CCDC171: variants seen among roughly 807,000 people sequenced by gnomAD.
CCDC171 encodes coiled-coil domain containing 171.
A neutral mutation model predicts 168.2 loss-of-function variants in CCDC171; 177 were observed. The ratio of observed to expected loss-of-function variants is 1.05; its 90% CI spans 0.93 to 1.19. The LOEUF (loss-of-function observed/expected upper bound fraction) is 1.19. Ranked by LOEUF, CCDC171 falls within the 50% of genes most tolerant of loss-of-function variation. The probability of loss-of-function intolerance (pLI) is 0.00; values close to 1 mark genes in which losing one functional copy is unlikely to be tolerated. For missense variants in CCDC171, 1,991 were observed against 1,539.0 expected (o/e 1.29, Z -4.91); for synonymous variants, 687 against 540.8 (o/e 1.27, Z -3.75).
At chr9:15,571,540 A>T in intron 2 of CCDC171, 84 bp from the exon 3 acceptor site, 2 of 1,192,302 alleles carry the variant, frequency 1.7e-6, no homozygotes, top group South Asian at 1.7e-5. Context: ...GTTTTTTGAA[A>T]AATAAGTTAT....
At position 15,777,754 on chromosome 9, in the gene CCDC171, G is replaced by A. The variant is rs1349242703; in HGVS notation, c.2826G>A (p.Arg942=). 2 of 1,613,904 alleles carry A rather than the reference G, an allele frequency of 1.2e-6. No individual in the cohort carries two copies. Among genetic ancestry groups the A allele is most frequent in the Admixed American group, 1.7e-5 (1 of 59,966 alleles). The change falls in exon 19 of 26, where the codon AGG becomes AGA. Residue 942 remains arginine, a synonymous_variant. Coordinates refer to ENST00000380701, the MANE Select transcript of CCDC171 (RefSeq NM_173550.4). ...TYVEKDSLVQ[R]LAHGLHKVNT... ...TAGAAAAAGATTCCCTGGTTCAGAG[G>A]CTGGCCCATGGACTTCATAAAGTAA... is the stretch of plus-strand genomic sequence containing the variant.
rs772592257 is a variant in CCDC171 at position 15,657,109 on chromosome 9, C to G, written c.823-18C>G. 6.8e-7 allele frequency: 1 copy of G among 1,468,222 alleles called. No homozygotes were observed. The highest frequency in any genetic ancestry group is 1.2e-5 in the South Asian group (1 of 83,086). The allele number at this position is 1,468,222 out of a possible 1,614,324, so 90.9% of individuals were successfully genotyped here. ...AAATACCAATGTTTATGAATTTAAA[C>G]TTTTAATTTGTTTTCAGGCAACTAC... On this transcript the variant is annotated intron_variant, in intron 7 of 25. Transcript: ENST00000380701.
chr9:15,887,900 T>G (rs1819646885), intron 24 of CCDC171: 1 of 152,170 alleles, frequency 6.6e-6, no homozygotes, highest in South Asian at 2.1e-4. Flanking sequence ...TTCTATATCC[T>G]CCTCCTCTGT....
intron 6 of CCDC171, among the ~76,000 whole-genome samples, chr9:15,606,118 G>GA (rs1006072110): frequency 3.3e-5 from 5 of 152,148 alleles, no homozygotes; most frequent in Non-Finnish European, 5.9e-5. Context: ...AAAGTAATGT[G>GA]AATGTGGTCT....
intron 4 of CCDC171, among the ~76,000 whole-genome samples, chr9:15,581,290 C>T (rs1464847833): frequency 6.6e-6 from 1 of 152,080 alleles, no homozygotes; most frequent in African/African-American, 2.4e-5. Flanking sequence ...AGGACACAAA[C>T]AAATGGAAAA....
At chr9:15,778,643 C>CAAAAAAAAAAAAAAAAA (rs527592822) in intron 19 of CCDC171, among the ~76,000 whole-genome samples, 13 of 58,792 alleles carry the variant, frequency 2.2e-4, no homozygotes, top group African/African-American at 8.7e-4. Flanking sequence ...AAGACTGTCT[C>CAAAAAAAAAAAAAAAAA]AAAAAAAAAA....
At chr9:15,883,097 T>C in intron 24 of CCDC171, 1 of 403,938 alleles carries the variant, frequency 2.5e-6, no homozygotes, top group Non-Finnish European at 4.9e-6. Context: ...GGTGTGATCA[T>C]AGCTCACTGC....
At chr9:15,578,441 T>G (rs961132035) in intron 3 of CCDC171, among the ~76,000 whole-genome samples, 15 of 145,892 alleles carry the variant, frequency 1.0e-4, no homozygotes, top group African/African-American at 3.8e-4. Flanking sequence ...TTATTATTAT[T>G]ATTATTATTA....
chr9:15,609,070 C>T (rs1322917124), intron 6 of CCDC171, among the ~76,000 whole-genome samples: 1 of 146,344 alleles, frequency 6.8e-6, no homozygotes, highest in Non-Finnish European at 1.5e-5. Context: ...GACAGAGAGG[C>T]AATTTACATT....
chr9:15,726,366 A>C (rs1364657054), intron 14 of CCDC171, among the ~76,000 whole-genome samples: 1 of 152,176 alleles, frequency 6.6e-6, no homozygotes, highest in African/African-American at 2.4e-5. Context: ...AAAAGGACAT[A>C]ATAGCGACAC....
chr9:15,733,856 C>G (rs2054308992), intron 16 of CCDC171, among the ~76,000 whole-genome samples: 1 of 152,170 alleles, frequency 6.6e-6, no homozygotes, highest in African/African-American at 2.4e-5. Context: ...GCAGCCTTAA[C>G]CTCCTGTGCT....
chr9:15,865,407 T>C (rs548182713), intron 23 of CCDC171, among the ~76,000 whole-genome samples: 1 of 151,856 alleles, frequency 6.6e-6, no homozygotes, highest in East Asian at 2.0e-4. Flanking sequence ...TATGTATGTA[T>C]ATAAAGTTGA....
intron 24 of CCDC171, among the ~76,000 whole-genome samples, chr9:15,908,418 C>T (rs1173710487): frequency 2.0e-5 from 3 of 151,586 alleles, no homozygotes; most frequent in Non-Finnish European, 4.4e-5. Context: ...AAAAACAAAA[C>T]ACTGCATGTT....
chr9:16,029,398 T>C (rs1374397302), intron 6 of CCDC171, among the ~76,000 whole-genome samples: 1 of 152,224 alleles, frequency 6.6e-6, no homozygotes, highest in Non-Finnish European at 1.5e-5. Flanking sequence ...GGATGGTAAA[T>C]AGATTTTGTC....
the CCDC171 span, among the ~76,000 whole-genome samples, chr9:16,067,313 GTT>G: frequency 2.0e-5 from 3 of 151,900 alleles, no homozygotes; most frequent in East Asian, 5.8e-4. Flanking sequence ...GGGGTTGTTT[GTT>G]TTTTTCTTGT....
In CCDC171 at chr9:15,607,043, G is replaced by GT. The variant is rs543404926; in HGVS notation, c.675+12878dup. Among the ~76,000 whole-genome samples, 35 of 152,210 alleles carry GT rather than the reference G, an allele frequency of 2.3e-4. 1 individual carries two copies. In the South Asian group the frequency reaches 6.2e-3, roughly 27 times the overall value. ...GTAAATTGCATGAGGTATTTTTGTAGTTTTTTTGGATTTTCTTGAGTGTTA... is the reference window on the plus strand; with the variant it reads ...GTAAATTGCATGAGGTATTTTTGTAGTTTTTTTTGGATTTTCTTGAGTGTTA... On this transcript the variant is annotated intron_variant, in intron 6 of 25. Transcript: ENST00000380701.
chr9:15,590,830 T>TTTCTTTCTTTC (rs1491053484), intron 4 of CCDC171, among the ~76,000 whole-genome samples: 7 of 146,542 alleles, frequency 4.8e-5, no homozygotes, highest in South Asian at 4.3e-4. Context: ...TCTTTCTTTC[T>TTTCTTTCTTTC]TTCTTCTTCT....
intron 6 of CCDC171, among the ~76,000 whole-genome samples, chr9:15,599,351 CCA>C (rs2042645535): frequency 6.6e-6 from 1 of 152,066 alleles, no homozygotes; most frequent in Non-Finnish European, 1.5e-5. Context: ...CTGGTGGTGA[CCA>C]AATCTCTCAG....
chr9:15,599,448 C>G (rs543610550), intron 6 of CCDC171, among the ~76,000 whole-genome samples: 29 of 152,224 alleles, frequency 1.9e-4, no homozygotes, highest in Non-Finnish European at 4.0e-4. Flanking sequence ...GTTGAAAATT[C>G]TTTTCTTCAA....
Sources: allele counts gnomAD v4.1 joint callset (sites outside exome capture counted in the v4.1 genomes callset), GRCh38; gene constraint gnomAD v4.1.1; transcripts MANE v1.5; gene names NCBI Gene and HGNC (gene_info 2026-07-23, HGNC 2026-07-21).